EIF2D: variants seen among roughly 807,000 people sequenced by gnomAD.
EIF2D encodes the protein eukaryotic translation initiation factor 2D, also known as hepatocellular carcinoma-associated antigen 56.
EIF2D carries 56 observed loss-of-function variants against 77.4 expected under a neutral mutation model. The observed-to-expected ratio is 0.72, with a 90% confidence interval of 0.58 to 0.90. The LOEUF (loss-of-function observed/expected upper bound fraction) is 0.90. EIF2D is among the 40% of genes least tolerant of loss of function. The pLI, the probability that EIF2D is intolerant of heterozygous loss-of-function variation, is 0.00. For missense variants in EIF2D, 574 were observed against 706.5 expected, an observed-to-expected ratio of 0.81 and a Z score of 2.13; for synonymous variants, 230 against 271.0, an observed-to-expected ratio of 0.85 and a Z score of 1.49.
chr1:206,602,627 C>T (rs899897645), intron 6 of EIF2D, 174 bp from the exon 7 acceptor site: 7 of 651,666 alleles, frequency 1.1e-5, no homozygotes, highest in African/African-American at 3.6e-5. Context: ...GAGGGTTGAC[C>T]CCAGAGAAGG....
intron 2 of EIF2D, among the ~76,000 whole-genome samples, chr1:206,609,751 C>T (rs1670380993): frequency 6.6e-6 from 1 of 152,206 alleles, no homozygotes; most frequent in African/African-American, 2.4e-5. Context: ...TTATTTACGG[C>T]TTCAGAAGCA....
chr1:206,591,298 A>G (rs1041740699), downstream of EIF2D, among the ~76,000 whole-genome samples: 1 of 152,228 alleles, frequency 6.6e-6, no homozygotes, highest in East Asian at 1.9e-4. Context: ...TTCTACTGCA[A>G]TTTAGGGTCA....
At chr1:206,577,882 T>G (rs1553405462) in intron 4 of EIF2D, among the ~76,000 whole-genome samples, 1 of 152,134 alleles carries the variant, frequency 6.6e-6, no homozygotes, top group Non-Finnish European at 1.5e-5. Context: ...TTAAAGAGCT[T>G]TAGTCTAGTT....
At position 206,609,493 on chromosome 1, in the gene EIF2D, C is replaced by CA. The variant is rs782771582; in HGVS notation, c.248-35dup. ...AAAGAGATCCAGAAAACACTACTAC[C>CA]AAAAAGCCAATCTTCTAGAGAAATG... On this transcript the variant is annotated intron_variant, in intron 2 of 14. Transcript: ENST00000271764. 8.4e-6 allele frequency: 13 copies of CA among 1,555,068 alleles called. No homozygotes were observed. In the South Asian group the frequency reaches 1.5e-4, roughly 18 times the overall value.
chr1:206,578,032 G>C (rs1668719157), intron 4 of EIF2D, among the ~76,000 whole-genome samples: 1 of 151,868 alleles, frequency 6.6e-6, no homozygotes, highest in South Asian at 2.1e-4. Flanking sequence ...AGACCAGCCT[G>C]GGCAACATAG....
At chr1:206,603,589 G>A (rs528651049) in intron 5 of EIF2D, 342 of 182,690 alleles carry the variant, frequency 1.9e-3, no homozygotes, top group Admixed American at 3.4e-3. Flanking sequence ...TTAAGATCGC[G>A]AATGCATCTG....
At chr1:206,578,805 A>G (rs1164913125) in intron 4 of EIF2D, among the ~76,000 whole-genome samples, 1 of 152,030 alleles carries the variant, frequency 6.6e-6, no homozygotes, top group Non-Finnish European at 1.5e-5. Context: ...ACTCACTCAG[A>G]GCCTCTCCTT....
At chr1:206,575,601 A>G (rs1553405058) in intron 4 of EIF2D, among the ~76,000 whole-genome samples, 1 of 152,138 alleles carries the variant, frequency 6.6e-6, no homozygotes, top group African/African-American at 2.4e-5. Context: ...GCTAGCCTCC[A>G]AGAGGCCCCC....
chr1:206,593,484 A>AGC (rs1553409338), intron 14 of EIF2D, 135 bp downstream of exon 14: 93 of 487,896 alleles, frequency 1.9e-4, no homozygotes, highest in Middle Eastern at 5.6e-4. Flanking sequence ...AGAGAGAGAG[A>AGC]GAGCGAGAGA....
In EIF2D at chr1:206,603,009, T is replaced by G. The variant is rs782595381; in HGVS notation, c.726A>C (p.Pro242=). The G allele has an allele frequency of 2.2e-5, 35 of 1,614,182 alleles. No individual in the cohort carries two copies. The highest frequency in any genetic ancestry group is 2.9e-5 in the Non-Finnish European group (34 of 1,180,030). ...TCAGGCCCCTGGTGCTGGTGTCTTC[T>G]GGGGCTTCTGAGAGAGACTTGTCTT... ...AREDKSLSEA[P]EDTSTRGLNQ... The change falls in exon 6 of 15, where the codon CCA becomes CCC. Residue 242 remains proline (P), a synonymous_variant. Coordinates refer to ENST00000271764, the MANE Select transcript of EIF2D (RefSeq NM_006893.3).
Position 206,584,346 on chromosome 1 carries a change from GC to G in EIF2D, c.139-3185del. 1 of 1,567,594 alleles carries G rather than the reference GC, an allele frequency of 6.4e-7. No homozygotes were observed. Among genetic ancestry groups the G allele is most frequent in the Non-Finnish European group, 8.7e-7 (1 of 1,155,294 alleles). ...CGAGTGGCAGATATGATCATGCAAG[GC>G]GGACGGCCCTGACCCCCTGTGACAT... is the stretch of plus-strand genomic sequence containing the variant. On this transcript the variant is annotated intron_variant and NMD_transcript_variant, in intron 2 of 5. Transcript: ENST00000472709. The surrounding 1 kb of genome is among the most constrained non-coding windows in gnomAD (Gnocchi z 4.9).
At position 206,612,431 on chromosome 1, in the gene EIF2D, G is replaced by T. The variant is rs1457107951; in HGVS notation, c.-89C>A. On this transcript the variant is annotated 5_prime_UTR_variant, in exon 1 of 15. Transcript: ENST00000271764. Reference sequence around the variant, plus strand: ...CAGCAGCTGCCAGGCCCTCAGCCGTGGGGGCAGCCATGCTGGGGCCCGGCC... The same window carrying T: ...CAGCAGCTGCCAGGCCCTCAGCCGTTGGGGCAGCCATGCTGGGGCCCGGCC... 3.5e-5 allele frequency: 55 copies of T among 1,556,168 alleles called. No homozygotes were observed. The highest frequency in any genetic ancestry group is 2.7e-4 in the South Asian group (24 of 89,878).
intron 11 of EIF2D, among the ~76,000 whole-genome samples, chr1:206,597,587 C>T (rs1407937018): frequency 6.6e-5 from 10 of 151,536 alleles, no homozygotes; most frequent in African/African-American, 1.7e-4. Context: ...GAGGCTGAGG[C>T]GGGAGGATCA....
intron 4 of EIF2D, among the ~76,000 whole-genome samples, chr1:206,606,703 C>T (rs1008185086): frequency 6.6e-6 from 1 of 152,160 alleles, no homozygotes; most frequent in African/African-American, 2.4e-5. Flanking sequence ...ACACTGACCC[C>T]TCCCATGCCT....
chr1:206,592,954 T>C lies in EIF2D; in HGVS notation c.1684+665A>G, dbSNP rs1288371360. Among the ~76,000 whole-genome samples, 1 of 151,952 alleles carries C rather than the reference T, an allele frequency of 6.6e-6. No homozygotes were observed. On this transcript the variant is annotated intron_variant, in intron 14 of 14. Coordinates refer to ENST00000271764, the MANE Select transcript of EIF2D (RefSeq NM_006893.3). This position sits in a 1 kb window ranked among gnomAD's most constrained non-coding sequence, Gnocchi z 4.7. ...CCATATCTACTAAAAATACAAAAAT[T>C]AGCTGGCCGTGGTGGCATGCGCCTA...
At chr1:206,574,853 C>CTTTTT (rs71570015) in intron 4 of EIF2D, among the ~76,000 whole-genome samples, 13 of 86,104 alleles carry the variant, frequency 1.5e-4, no homozygotes, top group Non-Finnish European at 2.4e-4. Flanking sequence ...GGACCAATGA[C>CTTTTT]TTTTTTTTTT....
downstream of EIF2D, among the ~76,000 whole-genome samples, chr1:206,591,204 T>C (rs1553408891): frequency 6.6e-6 from 1 of 152,230 alleles, no homozygotes; most frequent in Non-Finnish European, 1.5e-5. Flanking sequence ...GGCAGTGTCC[T>C]AAAGTTGGGG....
rs991478051 is a variant in EIF2D at position 206,592,368 on chromosome 1, A to G, written c.1685-523T>C. ...AATATAAACACAATTGGAAAGTGCT[A>G]CATTAGCAATGTTTAAAATGCTAAT... is the stretch of plus-strand genomic sequence containing the variant. On this transcript the variant is annotated intron_variant, in intron 14 of 14. Coordinates refer to ENST00000271764, the MANE Select transcript of EIF2D (RefSeq NM_006893.3). The surrounding 1 kb of genome is among the most constrained non-coding windows in gnomAD (Gnocchi z 4.7). 6.6e-6 allele frequency among the ~76,000 whole-genome samples: 1 copy of G among 152,278 alleles called. No individual in the cohort carries two copies. The highest frequency in any genetic ancestry group is 1.5e-5 in the Non-Finnish European group (1 of 68,056).
chr1:206,600,940 A>G (rs2102290136), intron 7 of EIF2D: 1 of 152,460 alleles, frequency 6.6e-6, no homozygotes, highest in East Asian at 1.9e-4. Context: ...GGCCCTTTAC[A>G]GAAAAACATG....
Sources: gnomAD v4.1 joint callset for allele counts (sites outside exome capture counted in the v4.1 genomes callset) on GRCh38, gnomAD v4.1.1 for gene constraint, Gnocchi (gnomAD v3.1) non-coding constraint, MANE v1.5 for transcripts, NCBI Gene and HGNC (gene_info 2026-07-23, HGNC 2026-07-21) for gene names.